Variants in TUBGCP6 observed in about 807,000 individuals in gnomAD.
TUBGCP6 encodes tubulin gamma complex component 6.
In TUBGCP6, 161 loss-of-function variants were observed where a neutral mutation model predicts 175.8. That is an observed-to-expected ratio of 0.92 (90% CI 0.81 to 1.04). The LOEUF is 1.04. TUBGCP6 is among the 50% of genes least tolerant of loss of function. The pLI, the probability that TUBGCP6 is intolerant of heterozygous loss-of-function variation, is 0.00. For missense variants in TUBGCP6, 2,572 were observed against 2,433.0 expected (o/e 1.06, Z -1.20); for synonymous variants, 1,173 against 1,030.5 (o/e 1.14, Z -2.65).
chr22:50,235,558 C>A (rs1311226048), intron 2 of TUBGCP6, among the ~76,000 whole-genome samples: 1 of 152,218 alleles, frequency 6.6e-6, no homozygotes, highest in Non-Finnish European at 1.5e-5. Context: ...GGACGGCGCT[C>A]GAGGACGCCA....
chr22:50,218,963 C>T, intron 20 of TUBGCP6, 66 bp from the exon 21 acceptor site: 1 of 1,588,514 alleles, frequency 6.3e-7, no homozygotes, highest in Non-Finnish European at 8.6e-7. Context: ...GCCGGCACCC[C>T]ATGGGGCTGT....
intron 13 of TUBGCP6, 88 bp downstream of exon 13, chr22:50,224,053 A>C: frequency 8.1e-7 from 1 of 1,239,662 alleles, no homozygotes. Context: ...TTTTCAAAAC[A>C]AAAAGTAAAA....
chr22:50,219,596 G>C (rs768026950), intron 18 of TUBGCP6, 48 bp downstream of exon 18: 1 of 1,602,670 alleles, frequency 6.2e-7, no homozygotes, highest in East Asian at 2.2e-5. Context: ...CACGTGCTGG[G>C]AACCAGCCAG....
intron 2 of TUBGCP6, among the ~76,000 whole-genome samples, chr22:50,234,912 G>GCAT (rs2064750152): frequency 7.8e-6 from 1 of 127,400 alleles, no homozygotes; most frequent in Admixed American, 8.1e-5. Flanking sequence ...GTCCACAGCA[G>GCAT]CATCCACACC....
In TUBGCP6 at chr22:50,218,110, G is replaced by T; in HGVS notation, c.5176C>A (p.Leu1726Ile). Residue 1726 changes from leucine (L) to isoleucine (I), a missense_variant, in exon 24 of 25, where the codon CTC becomes ATC. Physicochemically the swap from Leu to Ile is conservative, Grantham distance 5 (BLOSUM62 2). Coordinates refer to ENST00000248846, the MANE Select transcript of TUBGCP6 (RefSeq NM_020461.4). ...ATGACGGGCGCCGCCTTCTCCGTGAGCAGGCCCCTGGGGGGAAGCAGTGCT... is the reference window on the plus strand; with the variant it reads ...ATGACGGGCGCCGCCTTCTCCGTGATCAGGCCCCTGGGGGGAAGCAGTGCT... ...YLHKAVFRGL[L>I]TEKAAPVMNV... 6.2e-7 allele frequency: 1 copy of T among 1,612,350 alleles called. No individual in the cohort carries two copies. The highest frequency in any genetic ancestry group is 8.5e-7 in the Non-Finnish European group (1 of 1,179,652).
chr22:50,227,629 C>T (rs972050254), intron 5 of TUBGCP6, among the ~76,000 whole-genome samples: 7 of 152,222 alleles, frequency 4.6e-5, no homozygotes, highest in African/African-American at 1.7e-4. Context: ...CTTGTGTGTA[C>T]CGGACGCCAC....
At chr22:50,236,336 C>T (rs2064778550) in intron 2 of TUBGCP6, among the ~76,000 whole-genome samples, 1 of 152,042 alleles carries the variant, frequency 6.6e-6, no homozygotes, top group Non-Finnish European at 1.5e-5. Flanking sequence ...GGGGTTTCAC[C>T]GTGTTAGCCA....
chr22:50,234,713 C>A (rs1004342827), intron 2 of TUBGCP6, among the ~76,000 whole-genome samples: 1 of 140,558 alleles, frequency 7.1e-6, no homozygotes, highest in South Asian at 2.4e-4. Flanking sequence ...ATCATCCACA[C>A]CCCCTGTCCA....
At chr22:50,222,314 G>T in intron 14 of TUBGCP6, 140 bp downstream of exon 14, 1 of 1,356,808 alleles carries the variant, frequency 7.4e-7, no homozygotes. Context: ...GTGGCACACG[G>T]GGAGAGAGAG....
At chr22:50,227,562 C>T (rs1350738528) in intron 5 of TUBGCP6, among the ~76,000 whole-genome samples, 1 of 152,230 alleles carries the variant, frequency 6.6e-6, no homozygotes, top group Non-Finnish European at 1.5e-5. Context: ...GCTCCTCACT[C>T]TTCCTTCTCT....
At chr22:50,240,618 T>A (rs1418150936) in intron 1 of TUBGCP6, among the ~76,000 whole-genome samples, 1 of 152,144 alleles carries the variant, frequency 6.6e-6, no homozygotes, top group African/African-American at 2.4e-5. Flanking sequence ...GAGTGAAACT[T>A]TTTGAGATGC....
At chr22:50,233,811 C>A (rs2064724959) in intron 2 of TUBGCP6, among the ~76,000 whole-genome samples, 1 of 152,114 alleles carries the variant, frequency 6.6e-6, no homozygotes, top group Non-Finnish European at 1.5e-5. Flanking sequence ...ATCCGACTGG[C>A]CCAGCCCTGG....
In TUBGCP6 at chr22:50,224,327, C is replaced by T; in HGVS notation, c.2154+5G>A. The T allele has an allele frequency of 6.2e-7, 1 of 1,614,248 alleles. No individual in the cohort carries two copies. Among genetic ancestry groups the T allele is most frequent in the South Asian group, 1.1e-5 (1 of 91,092 alleles). ...CGTGACCCCGCAGGGACAGGTCCTA[C>T]CCACCTCCTGGTCCTTCACAAATTG... On this transcript the variant is annotated splice_donor_5th_base_variant and intron_variant, in intron 12 of 24. Coordinates refer to ENST00000248846, the MANE Select transcript of TUBGCP6 (RefSeq NM_020461.4).
chr22:50,219,339 A>G lies in TUBGCP6; in HGVS notation c.4433T>C (p.Leu1478Pro). 6.3e-7 allele frequency: 1 copy of G among 1,597,642 alleles called. No homozygotes were observed. Among genetic ancestry groups the G allele is most frequent in the Non-Finnish European group, 8.5e-7 (1 of 1,173,516 alleles). ...GCGCTTCATGAGCACGGGCAGCGTCAGCAACTCGCTCAGCTGCACAGCAGT... is the reference window on the plus strand; with the variant it reads ...GCGCTTCATGAGCACGGGCAGCGTCGGCAACTCGCTCAGCTGCACAGCAGT... ...DETAVQLSEL[L>P]TLPVLMKRSI... The change falls in exon 19 of 25, where the codon CTG becomes CCG. Residue 1478 changes from leucine to proline, a missense_variant. Leu to Pro is a moderately conservative substitution (Grantham distance 98). Transcript: ENST00000248846.
In TUBGCP6 at chr22:50,243,907, C is replaced by T; in HGVS notation, c.553G>A (p.Ala185Thr). The T allele has an allele frequency of 6.2e-7, 1 of 1,614,020 alleles. No homozygotes were observed. Among genetic ancestry groups the T allele is most frequent in the Non-Finnish European group, 8.5e-7 (1 of 1,180,038 alleles). Residue 185 changes from alanine to threonine, a missense_variant, in exon 1 of 25, where the codon GCT becomes ACT. Physicochemically the swap from Ala to Thr is moderately conservative, Grantham distance 58. Transcript: ENST00000248846. ...ACGGTGGGCAGGCCAGTGCCTGGAG[C>T]AGCCTCCATAACCTGAAGTGTTTCC... ...IQETLQVMEA[A>T]PGTGLPTVGL...
In TUBGCP6 at chr22:50,243,760, G is replaced by C. The variant is rs559074704; in HGVS notation, c.700C>G (p.Pro234Ala). 6 of 1,613,606 alleles carry C rather than the reference G, an allele frequency of 3.7e-6. No homozygotes were observed. The highest frequency in any genetic ancestry group is 2.2e-5 in the South Asian group (2 of 91,074). Residue 234 changes from proline to alanine, a missense_variant, in exon 1 of 25, where the codon CCC becomes GCC. Physicochemically the swap from Pro to Ala is conservative, Grantham distance 27. Coordinates refer to ENST00000248846, the MANE Select transcript of TUBGCP6 (RefSeq NM_020461.4). ...GAGAGGTCCGCATTGTCTGGCACGG[G>C]GGGCAGGCCCAGTCGGACGTCCATG... Reference protein sequence around the residue: ...YDMDVRLGLPPVPDNADLSGL... With the variant: ...YDMDVRLGLPAVPDNADLSGL...
At chr22:50,233,246 G>A in intron 3 of TUBGCP6, 70 bp downstream of exon 3, 1 of 1,545,712 alleles carries the variant, frequency 6.5e-7, no homozygotes, top group Non-Finnish European at 8.8e-7. Flanking sequence ...GCCCCATAAA[G>A]GGCTGGGCAC....
At chr22:50,222,723 G>A in intron 13 of TUBGCP6, 131 bp from the exon 14 acceptor site, 8 of 1,323,958 alleles carry the variant, frequency 6.0e-6, no homozygotes, top group African/African-American at 1.5e-5. Context: ...CCCCCTACCA[G>A]GGGCTGATAG....
At chr22:50,234,510 C>T (rs1569122803) in intron 2 of TUBGCP6, among the ~76,000 whole-genome samples, 2 of 146,836 alleles carry the variant, frequency 1.4e-5, no homozygotes, top group African/African-American at 2.5e-5. Flanking sequence ...CACCCCTGTC[C>T]ACAGCAGCAT....
Sources: allele counts gnomAD v4.1 joint callset (sites outside exome capture counted in the v4.1 genomes callset), GRCh38; gene constraint gnomAD v4.1.1; transcripts MANE v1.5; gene names NCBI Gene and HGNC (gene_info 2026-07-23, HGNC 2026-07-21).